Variants in DLC1 observed in about 807,000 individuals in gnomAD.
The protein encoded by DLC1 is DLC1 Rho GTPase activating protein, also known as rho GTPase-activating protein 7.
In DLC1, 54 loss-of-function variants were observed where a neutral mutation model predicts 140.3. The observed-to-expected ratio is 0.38, with a 90% CI of 0.31 to 0.48. DLC1 has a LOEUF of 0.48. Among genes scored for constraint, DLC1 ranks in the 20% least tolerant of loss-of-function variants. The pLI is 0.96. For missense variants in DLC1, 2,536 were observed against 1,907.0 expected (o/e 1.33, Z -6.14); for synonymous variants, 986 against 728.1 (o/e 1.35, Z -5.70).
In DLC1 at chr8:13,307,201, T is replaced by A. The variant is rs372490008; in HGVS notation, c.1315-1899A>T. 2.6e-5 allele frequency among the ~76,000 whole-genome samples: 4 copies of A among 152,128 alleles called. No individual in the cohort carries two copies. The East Asian group carries it at 7.7e-4, about 29-fold the overall frequency. ...TCTACATTTCGTTGTTCAGCACTGT[T>A]CTCTGGGTGTGAACCGTTTCTCCGC... On this transcript the variant is annotated intron_variant, in intron 4 of 17. Transcript: ENST00000276297.
chr8:13,508,379 C>T (rs1258865601), intron 1 of DLC1, among the ~76,000 whole-genome samples: 2 of 151,930 alleles, frequency 1.3e-5, no homozygotes, highest in Non-Finnish European at 2.9e-5. Flanking sequence ...ATTAACAGAG[C>T]CATGTGGGAC....
At chr8:13,323,739 T>C (rs1187061633) in intron 4 of DLC1, among the ~76,000 whole-genome samples, 1 of 152,194 alleles carries the variant, frequency 6.6e-6, no homozygotes, top group Non-Finnish European at 1.5e-5. Flanking sequence ...TGCAGCAAAA[T>C]GAATACCTTA....
intron 2 of DLC1, among the ~76,000 whole-genome samples, chr8:13,463,739 C>G (rs906165039): frequency 6.6e-6 from 1 of 152,130 alleles, no homozygotes; most frequent in African/African-American, 2.4e-5. Context: ...AAACAGGAAC[C>G]TGACTTTTTG....
intron 4 of DLC1, among the ~76,000 whole-genome samples, chr8:13,316,464 A>T (rs1308097059): frequency 1.3e-5 from 2 of 151,990 alleles, no homozygotes; most frequent in Non-Finnish European, 2.9e-5. Context: ...CAACTTTCTT[A>T]ACCCTCAAAA....
At chr8:13,567,778 A>C in intron 1 of DLC1, 12 of 1,551,944 alleles carry the variant, frequency 7.7e-6, no homozygotes, top group Non-Finnish European at 1.0e-5. Context: ...AATAATCTGG[A>C]AAAGACTGAC....
rs147274465 is a variant in DLC1 at position 13,556,936 on chromosome 8, G to C, written c.-126+47601C>G. Among the ~76,000 whole-genome samples, 295 of 152,292 alleles carry C rather than the reference G, an allele frequency of 1.9e-3. 2 individuals are homozygous for C. The highest frequency in any genetic ancestry group is 6.6e-3 in the African/African-American group (275 of 41,562). On this transcript the variant is annotated intron_variant, in intron 1 of 1. Coordinates refer to the DLC1 transcript ENST00000631382. ...AGAAGACAGACTTTTTCCAGCCCTG[G>C]TGGGGCTGAAAGTCTATCAGTTATG...
intron 1 of DLC1, among the ~76,000 whole-genome samples, chr8:13,545,416 C>T (rs1193500623): frequency 6.6e-6 from 1 of 151,806 alleles, no homozygotes; most frequent in Non-Finnish European, 1.5e-5. Flanking sequence ...GGTTGTTTCC[C>T]CTAAGTCATC....
chr8:13,556,892 A>C (rs1165441995), intron 1 of DLC1, among the ~76,000 whole-genome samples: 1 of 152,238 alleles, frequency 6.6e-6, no homozygotes. Flanking sequence ...TGATACTTGC[A>C]AGACACATAG....
chr8:13,158,713 A>T (rs1824433749), intron 5 of DLC1, among the ~76,000 whole-genome samples: 1 of 127,278 alleles, frequency 7.9e-6, no homozygotes, highest in Admixed American at 9.6e-5. Flanking sequence ...TGCTAGAGTT[A>T]ATGTTCACAA....
In DLC1 at chr8:13,496,466, C is replaced by T. The variant is rs115145406; in HGVS notation, c.1023+2583G>A. Among the ~76,000 whole-genome samples, 811 of 152,016 alleles carry T rather than the reference C, an allele frequency of 5.3e-3. 8 individuals carry two copies. Among genetic ancestry groups the T allele is most frequent in the African/African-American group, 0.018 (758 of 41,452 alleles). ...AAAACCCCTCCTGTTCTTTTAATTC[C>T]ACTCATCCAATGTAATTGCTGTTAA... is the stretch of plus-strand genomic sequence containing the variant. On this transcript the variant is annotated intron_variant, in intron 2 of 17. Transcript: ENST00000276297.
chr8:13,317,996 A>G (rs1236878071), intron 4 of DLC1, among the ~76,000 whole-genome samples: 1 of 152,120 alleles, frequency 6.6e-6, no homozygotes, highest in Non-Finnish European at 1.5e-5. Context: ...CTTGGCACTT[A>G]TTAACTTATT....
At chr8:13,281,853 T>G (rs763082755) in intron 5 of DLC1, among the ~76,000 whole-genome samples, 1 of 152,218 alleles carries the variant, frequency 6.6e-6, no homozygotes, top group Non-Finnish European at 1.5e-5. Context: ...TATTTATGCT[T>G]TCTGAAGCTA....
At chr8:13,437,936 G>A (rs1207242676) in intron 2 of DLC1, among the ~76,000 whole-genome samples, 4 of 149,784 alleles carry the variant, frequency 2.7e-5, no homozygotes, top group African/African-American at 9.8e-5. Flanking sequence ...AACTGTCCAG[G>A]AAACTAAAAA....
chr8:13,503,293 A>G (rs1285437656), intron 1 of DLC1, among the ~76,000 whole-genome samples: 1 of 152,068 alleles, frequency 6.6e-6, no homozygotes, highest in African/African-American at 2.4e-5. Context: ...AGACCCAGCA[A>G]CTTGGGAGGC....
intron 1 of DLC1, chr8:13,567,227 A>G (rs555090630): frequency 6.4e-7 from 1 of 1,551,520 alleles, no homozygotes; most frequent in East Asian, 2.4e-5. Flanking sequence ...TATAAAAATT[A>G]TGAAAAGAAG....
At position 13,103,487 on chromosome 8, in the gene DLC1, A is replaced by G. The variant is rs116036922; in HGVS notation, c.1503-634T>C. On this transcript the variant is annotated intron_variant, in intron 7 of 17. Transcript: ENST00000276297. ...TGAGTTGTTCTTACTAAGAAAAATCATTCTTCCAATAACTCTTAGGTTGAG... is the reference window on the plus strand; with the variant it reads ...TGAGTTGTTCTTACTAAGAAAAATCGTTCTTCCAATAACTCTTAGGTTGAG... 6.5e-3 allele frequency among the ~76,000 whole-genome samples: 988 copies of G among 152,192 alleles called. 13 individuals are homozygous for G. Among genetic ancestry groups the G allele is most frequent in the African/African-American group, 0.023 (937 of 41,510 alleles).
chr8:13,293,501 C>T (rs547524496), intron 5 of DLC1, among the ~76,000 whole-genome samples: 20 of 152,176 alleles, frequency 1.3e-4, no homozygotes, highest in Middle Eastern at 3.4e-3. Context: ...TAGCTGAATG[C>T]CTGTATGAGT....
At chr8:13,467,592 G>A (rs1393506471) in intron 2 of DLC1, among the ~76,000 whole-genome samples, 1 of 151,998 alleles carries the variant, frequency 6.6e-6, no homozygotes, top group Non-Finnish European at 1.5e-5. Context: ...TCAGCCAAGT[G>A]TGATGGTACG....
intron 2 of DLC1, among the ~76,000 whole-genome samples, chr8:13,492,464 T>A (rs1801298526): frequency 1.8e-5 from 1 of 55,794 alleles, no homozygotes; most frequent in Admixed American, 1.5e-4. Context: ...TATCCTATTT[T>A]AGCCTGTCCT....
Sources: gnomAD v4.1 joint callset for allele counts (sites outside exome capture counted in the v4.1 genomes callset) on GRCh38, gnomAD v4.1.1 for gene constraint, MANE v1.5 for transcripts, NCBI Gene and HGNC (gene_info 2026-07-23, HGNC 2026-07-21) for gene names.